The following ACTA2 variants were observed in gnomAD, a reference collection of about 807,000 sequenced individuals.
The protein encoded by ACTA2 is actin, aortic smooth muscle.
Under a neutral mutation model 39.5 loss-of-function variants are expected in ACTA2, and 12 were observed. The observed-to-expected ratio is 0.30, with a 90% CI of 0.19 to 0.49. ACTA2 has a LOEUF of 0.49. Among genes scored for constraint, ACTA2 ranks in the 20% least tolerant of loss-of-function variants. The probability of loss-of-function intolerance (pLI) is 0.99; values close to 1 mark genes in which losing one functional copy is unlikely to be tolerated. For missense variants in ACTA2, 236 were observed against 498.8 expected, an observed-to-expected ratio of 0.47 and a Z score of 5.02; for synonymous variants, 158 against 180.6, an observed-to-expected ratio of 0.88 and a Z score of 1.00.
chr10:88,957,720 C>A (rs779038907), upstream of ACTA2, among the ~76,000 whole-genome samples: 1 of 152,160 alleles, frequency 6.6e-6, no homozygotes, highest in Non-Finnish European at 1.5e-5. Context: ...CTTTACATAT[C>A]CTCCTAAACT....
upstream of ACTA2, among the ~76,000 whole-genome samples, chr10:88,957,084 CAGACACTTA>C (rs1172636934): frequency 6.6e-6 from 1 of 152,158 alleles, no homozygotes; most frequent in Non-Finnish European, 1.5e-5. Context: ...AAGATCGTAG[CAGACACTTA>C]AGACACGGTA....
upstream of ACTA2, among the ~76,000 whole-genome samples, chr10:88,956,497 C>A (rs959633468): frequency 8.5e-5 from 13 of 152,164 alleles, no homozygotes; most frequent in African/African-American, 3.1e-4. Flanking sequence ...ATAATCTTCC[C>A]ATTTTAAGAT....
Position 88,935,381 on chromosome 10 carries a change from GA to G in ACTA2, c.991-16del, listed in dbSNP as rs749013931. Reference sequence around the variant, plus strand: ...GGGGCAATGATCTGTCAGTCAAGATGAAAAAGAATGGTCATTAATGTCATCA... The same window carrying G: ...GGGGCAATGATCTGTCAGTCAAGATGAAAAGAATGGTCATTAATGTCATCA... On this transcript the variant is annotated splice_polypyrimidine_tract_variant and intron_variant, in intron 8 of 8. Transcript: ENST00000224784. 8.1e-6 allele frequency: 13 copies of G among 1,613,348 alleles called. No homozygotes were observed. The African/African-American group carries it at 1.7e-4, about 22-fold the overall frequency.
chr10:88,958,053 C>T (rs1195155574), intron 1 of ACTA2, among the ~76,000 whole-genome samples: 2 of 152,070 alleles, frequency 1.3e-5, no homozygotes, highest in African/African-American at 4.8e-5. Flanking sequence ...GACGTGACTC[C>T]CTACCCACTT....
At chr10:88,950,543 A>G (rs1846030562) in intron 1 of ACTA2, among the ~76,000 whole-genome samples, 1 of 152,228 alleles carries the variant, frequency 6.6e-6, no homozygotes, top group African/African-American at 2.4e-5. Context: ...GAGATGACAT[A>G]TTTTAAAGTC....
At chr10:88,967,797 G>A (rs1468382257) in intron 1 of ACTA2, among the ~76,000 whole-genome samples, 1 of 152,188 alleles carries the variant, frequency 6.6e-6, no homozygotes, top group Non-Finnish European at 1.5e-5. Context: ...TCACACACCA[G>A]AACTCATTTC....
At chr10:88,991,105 G>C in exon 1 of ACTA2, 1 of 665,562 alleles carries the variant, frequency 1.5e-6, no homozygotes, top group Non-Finnish European at 2.6e-6. Flanking sequence ...CGGGTGCTCA[G>C]AACGCTGGAG....
At chr10:88,937,608 T>C (rs1310680430) in intron 8 of ACTA2, among the ~76,000 whole-genome samples, 3 of 152,180 alleles carry the variant, frequency 2.0e-5, no homozygotes, top group Non-Finnish European at 1.5e-5. Flanking sequence ...TTTGAATTCT[T>C]GGCCACAGGA....
intron 1 of ACTA2, among the ~76,000 whole-genome samples, chr10:88,982,199 G>A (rs1275813998): frequency 1.3e-5 from 2 of 152,076 alleles, no homozygotes; most frequent in Non-Finnish European, 2.9e-5. Flanking sequence ...CACCTATATT[G>A]TGCACACAAT....
chr10:88,978,659 A>G (rs1589423212), intron 1 of ACTA2, among the ~76,000 whole-genome samples: 1 of 152,182 alleles, frequency 6.6e-6, no homozygotes, highest in Non-Finnish European at 1.5e-5. Context: ...AGCCAGGCTC[A>G]GTTCATTTGC....
At chr10:88,985,746 C>T (rs955210511) in intron 1 of ACTA2, among the ~76,000 whole-genome samples, 2 of 152,186 alleles carry the variant, frequency 1.3e-5, no homozygotes, top group African/African-American at 4.8e-5. Flanking sequence ...CCAGTCACCT[C>T]CCTTCCAGGC....
intron 1 of ACTA2, chr10:88,974,453 A>G (rs1052075210): frequency 6.6e-6 from 1 of 152,244 alleles, no homozygotes; most frequent in South Asian, 2.1e-4. Flanking sequence ...AGAGAATGCA[A>G]TTTATTAAAT....
At chr10:88,987,819 A>G (rs1281007600) in intron 1 of ACTA2, among the ~76,000 whole-genome samples, 1 of 152,214 alleles carries the variant, frequency 6.6e-6, no homozygotes, top group East Asian at 1.9e-4. Flanking sequence ...TTAGTCAAAC[A>G]CTATCTTAGA....
intron 1 of ACTA2, among the ~76,000 whole-genome samples, chr10:88,987,964 T>C (rs570473442): frequency 2.0e-4 from 31 of 152,254 alleles, no homozygotes; most frequent in Admixed American, 1.6e-3. Flanking sequence ...AAAAAAAGAC[T>C]GACTTCCACT....
chr10:88,958,991 A>T (rs1846184879), intron 1 of ACTA2, among the ~76,000 whole-genome samples: 1 of 152,132 alleles, frequency 6.6e-6, no homozygotes, highest in Non-Finnish European at 1.5e-5. Flanking sequence ...TTCCTTTCAG[A>T]AGCCTTTGGA....
intron 1 of ACTA2, among the ~76,000 whole-genome samples, chr10:88,951,778 A>G (rs1341643704): frequency 1.3e-5 from 2 of 152,216 alleles, no homozygotes; most frequent in East Asian, 3.9e-4. Flanking sequence ...GGGAGGGGAA[A>G]GAACAGTACA....
chr10:88,948,060 C>G (rs951645625), intron 2 of ACTA2, among the ~76,000 whole-genome samples: 4 of 152,152 alleles, frequency 2.6e-5, no homozygotes, highest in African/African-American at 9.7e-5. Context: ...AACTACAAAA[C>G]AGCCATGGCT....
At chr10:88,948,744 A>G (rs975257935) in intron 2 of ACTA2, 58 bp downstream of exon 2, 4 of 1,610,326 alleles carry the variant, frequency 2.5e-6, no homozygotes, top group Admixed American at 1.7e-5. Context: ...GGGGATAAAC[A>G]TGAACACAGA....
At chr10:88,944,238 A>G (rs1845907404) in intron 3 of ACTA2, among the ~76,000 whole-genome samples, 1 of 152,154 alleles carries the variant, frequency 6.6e-6, no homozygotes, top group South Asian at 2.1e-4. Context: ...AGCTTAGGCA[A>G]GTTTTTAACC....
Sources: allele counts gnomAD v4.1 joint callset (sites outside exome capture counted in the v4.1 genomes callset), GRCh38; gene constraint gnomAD v4.1.1; transcripts MANE v1.5; gene names NCBI Gene and HGNC (gene_info 2026-07-23, HGNC 2026-07-21).